The following CCDC158 variants were observed in gnomAD, a reference collection of about 807,000 sequenced individuals.
The protein encoded by CCDC158 is coiled-coil domain containing 158.
In CCDC158, 116 loss-of-function variants were observed where a neutral mutation model predicts 138.6. That is an observed-to-expected ratio of 0.84 (90% confidence interval 0.72 to 0.98). The LOEUF (loss-of-function observed/expected upper bound fraction) is 0.98, where lower values mean the gene tolerates loss of function less well. CCDC158 is among the 50% of genes least tolerant of loss of function. CCDC158 has a pLI of 0.00. For missense variants in CCDC158, 1,265 were observed against 1,306.1 expected, an observed-to-expected ratio of 0.97 and a Z score of 0.48; for synonymous variants, 436 against 442.4, an observed-to-expected ratio of 0.99 and a Z score of 0.18.
intron 13 of CCDC158, among the ~76,000 whole-genome samples, chr4:76,359,154 A>G (rs1578965312): frequency 6.6e-6 from 1 of 151,102 alleles, no homozygotes; most frequent in African/African-American, 2.4e-5. Context: ...TTTCCCCTTC[A>G]CCTTCCACCA....
intron 11 of CCDC158, 98 bp downstream of exon 11, chr4:76,369,328 C>A: frequency 8.8e-7 from 1 of 1,135,228 alleles, no homozygotes. Flanking sequence ...CATTTTAGGT[C>A]CATATATGTT....
At chr4:76,350,780 A>G (rs1002202947) in intron 18 of CCDC158, among the ~76,000 whole-genome samples, 1 of 152,228 alleles carries the variant, frequency 6.6e-6, no homozygotes, top group East Asian at 1.9e-4. Context: ...GATGGAAATA[A>G]CCAAAGAATT....
At chr4:76,324,062 G>T (rs912519690) in intron 23 of CCDC158, among the ~76,000 whole-genome samples, 2 of 152,066 alleles carry the variant, frequency 1.3e-5, no homozygotes, top group African/African-American at 4.8e-5. Flanking sequence ...TCCCTGCCTA[G>T]CTGTATAAAT....
chr4:76,314,548 A>C (rs1444404212), intron 24 of CCDC158, among the ~76,000 whole-genome samples: 1 of 152,220 alleles, frequency 6.6e-6, no homozygotes, highest in Non-Finnish European at 1.5e-5. Context: ...GATAGGTAAA[A>C]AACTGTGAGT....
At chr4:76,327,285 T>G (rs912950145) in intron 22 of CCDC158, among the ~76,000 whole-genome samples, 14 of 152,192 alleles carry the variant, frequency 9.2e-5, no homozygotes, top group African/African-American at 3.4e-4. Context: ...CAAAGATTAT[T>G]TAAAAATTAA....
rs1390118275 is a variant in CCDC158, at chr4:76,383,730, A to T, written c.735T>A (p.Asp245Glu). Residue 245 changes from aspartate to glutamate, a missense_variant, in exon 7 of 25, where the codon GAT becomes GAA. Asp to Glu is a conservative substitution (Grantham distance 45, BLOSUM62 2). Transcript: ENST00000682701. Reference sequence around the variant, plus strand: ...ATTCAGATTTCAGTGCTTCAAGTTGATCCTCTACCTGGTTTTTAAAAAGAG... The same window carrying T: ...ATTCAGATTTCAGTGCTTCAAGTTGTTCCTCTACCTGGTTTTTAAAAAGAG... ...YLKGRIFPVEDQLEALKSESQ... is the reference protein window; with the variant it reads ...YLKGRIFPVEEQLEALKSESQ... 2.5e-6 allele frequency: 4 copies of T among 1,611,984 alleles called. No individual in the cohort carries two copies. In the Admixed American group the frequency reaches 5.0e-5, roughly 20 times the overall value.
intron 3 of CCDC158, among the ~76,000 whole-genome samples, chr4:76,400,996 A>G (rs754061232): frequency 1.1e-4 from 17 of 152,178 alleles, no homozygotes; most frequent in Non-Finnish European, 2.5e-4. Context: ...CTTTGTTATA[A>G]ATCAGGATCA....
At chr4:76,326,480 A>G (rs1370848685) in intron 22 of CCDC158, among the ~76,000 whole-genome samples, 1 of 152,220 alleles carries the variant, frequency 6.6e-6, no homozygotes, top group African/African-American at 2.4e-5. Flanking sequence ...TAGGGTCCAG[A>G]TAATGGGCTT....
intron 18 of CCDC158, among the ~76,000 whole-genome samples, chr4:76,348,267 A>C (rs28477247): frequency 3.9e-5 from 2 of 51,782 alleles, no homozygotes; most frequent in Admixed American, 2.5e-4. Context: ...TACTAAATAT[A>C]CAAAAAAAAA....
At chr4:76,398,188 C>A (rs987951833) in intron 3 of CCDC158, among the ~76,000 whole-genome samples, 6 of 152,100 alleles carry the variant, frequency 3.9e-5, no homozygotes, top group African/African-American at 1.2e-4. Context: ...ATCAATGTAA[C>A]AATTGATTTA....
intron 15 of CCDC158, among the ~76,000 whole-genome samples, chr4:76,354,476 C>T (rs1234755819): frequency 1.3e-5 from 2 of 152,110 alleles, no homozygotes; most frequent in African/African-American, 2.4e-5. Flanking sequence ...TACTTTTTCA[C>T]CTCTATTATG....
chr4:76,388,060 C>G (rs1455583752), intron 4 of CCDC158, among the ~76,000 whole-genome samples: 1 of 151,956 alleles, frequency 6.6e-6, no homozygotes, highest in Non-Finnish European at 1.5e-5. Context: ...CTCTTGGGCC[C>G]TGAATAACCA....
At chr4:76,393,435 G>A (rs1056004549) in intron 4 of CCDC158, among the ~76,000 whole-genome samples, 4 of 152,044 alleles carry the variant, frequency 2.6e-5, no homozygotes, top group Admixed American at 6.5e-5. Flanking sequence ...TCCATATGCA[G>A]AGGAATGAAA....
chr4:76,373,996 T>A (rs535583265), intron 9 of CCDC158, among the ~76,000 whole-genome samples: 18 of 151,676 alleles, frequency 1.2e-4, no homozygotes, highest in African/African-American at 3.1e-4. Context: ...TCTACAAAAA[T>A]AAAAATAAAA....
chr4:76,409,574 G>A (rs1260350042), intron 2 of CCDC158, among the ~76,000 whole-genome samples: 2 of 152,140 alleles, frequency 1.3e-5, no homozygotes, highest in African/African-American at 4.8e-5. Context: ...GCTTACACCT[G>A]TAATCCCAGC....
intron 12 of CCDC158, among the ~76,000 whole-genome samples, chr4:76,363,594 A>T (rs1724370914): frequency 6.6e-6 from 1 of 152,102 alleles, no homozygotes; most frequent in Admixed American, 6.5e-5. Flanking sequence ...TAAGGACAAG[A>T]CACGTGGACA....
At chr4:76,383,852 C>G in intron 6 of CCDC158, 114 bp from the exon 7 acceptor site, 1 of 778,700 alleles carries the variant, frequency 1.3e-6, no homozygotes, top group African/African-American at 1.7e-5. Flanking sequence ...ATACTAAAAT[C>G]AGATACATTC....
intron 4 of CCDC158, among the ~76,000 whole-genome samples, chr4:76,388,776 C>T (rs911977279): frequency 1.3e-5 from 2 of 152,096 alleles, no homozygotes; most frequent in African/African-American, 2.4e-5. Flanking sequence ...ACCACACCCC[C>T]AGTTCCACGT....
intron 11 of CCDC158, among the ~76,000 whole-genome samples, 167 bp downstream of exon 11, chr4:76,369,259 A>G (rs1292085298): frequency 1.3e-5 from 2 of 152,204 alleles, no homozygotes; most frequent in Non-Finnish European, 2.9e-5. Context: ...AATAAAATGA[A>G]AAATAAGTAT....
Sources: allele counts gnomAD v4.1 joint callset (sites outside exome capture counted in the v4.1 genomes callset), GRCh38; gene constraint gnomAD v4.1.1; transcripts MANE v1.5; gene names NCBI Gene and HGNC (gene_info 2026-07-23, HGNC 2026-07-21).